Variants in DMD observed in about 807,000 individuals in gnomAD.
DMD encodes the protein dystrophin.
In DMD, 63 loss-of-function variants were observed where a neutral mutation model predicts 330.1. The observed-to-expected ratio is 0.19, with a 90% CI of 0.16 to 0.24. The LOEUF (loss-of-function observed/expected upper bound fraction) is 0.24. Ranked by LOEUF, DMD falls within the 10% of genes least tolerant of loss-of-function variation. DMD has a pLI of 1.00. For missense variants in DMD, 3,344 were observed against 2,684.1 expected, an observed-to-expected ratio of 1.25 and a Z score of -5.43; for synonymous variants, 1,223 against 959.8, an observed-to-expected ratio of 1.27 and a Z score of -5.07.
At chrX:33,312,195 G>A (rs2053860476) in intron 1 of DMD, among the ~76,000 whole-genome samples, 1 of 110,835 alleles carries the variant, frequency 9.0e-6, no homozygotes, top group Admixed American at 9.7e-5. Context: ...GAAAACACGG[G>A]TTTGAACTGC....
At chrX:31,684,946 A>G (rs1341920396) in intron 52 of DMD, among the ~76,000 whole-genome samples, 1 of 112,351 alleles carries the variant, frequency 8.9e-6, no homozygotes, top group Non-Finnish European at 1.9e-5. Context: ...TTTGATGTAA[A>G]CAAAGGTCTC....
chrX:32,187,382 T>G (rs898100319), intron 44 of DMD, among the ~76,000 whole-genome samples: 2 of 111,307 alleles, frequency 1.8e-5, no homozygotes, highest in Non-Finnish European at 3.8e-5. Context: ...AAGCATTACG[T>G]CTTTTGCACT....
At chrX:31,687,646 T>C (rs901544278) in intron 52 of DMD, among the ~76,000 whole-genome samples, 1 of 111,870 alleles carries the variant, frequency 8.9e-6, no homozygotes, top group Non-Finnish European at 1.9e-5. Flanking sequence ...CACAATAGAA[T>C]AGAACATGAG....
At chrX:31,526,576 G>C (rs2073252974) in intron 55 of DMD, among the ~76,000 whole-genome samples, 1 of 111,679 alleles carries the variant, frequency 9.0e-6, no homozygotes, top group Non-Finnish European at 1.9e-5. Flanking sequence ...CATCTTTTGG[G>C]ATATGAAAGA....
chrX:32,614,684 C>A (rs1049650366), intron 11 of DMD, among the ~76,000 whole-genome samples: 2 of 111,328 alleles, frequency 1.8e-5, no homozygotes, highest in Non-Finnish European at 3.8e-5. Flanking sequence ...ACATAGTCAA[C>A]TAAATGTGAA....
chrX:32,495,365 T>C (rs920590209), intron 19 of DMD, among the ~76,000 whole-genome samples: 3 of 111,741 alleles, frequency 2.7e-5, no homozygotes, highest in Non-Finnish European at 3.8e-5. Flanking sequence ...TCTATATGAA[T>C]ATAAAAATTA....
intron 45 of DMD, among the ~76,000 whole-genome samples, chrX:31,955,341 A>T (rs2095235231): frequency 2.7e-5 from 3 of 112,268 alleles, no homozygotes; most frequent in Admixed American, 9.5e-5. Flanking sequence ...TGTCGTCACT[A>T]TTAGCTGCTT....
At chrX:31,167,718 T>C (rs900517317) in intron 74 of DMD, among the ~76,000 whole-genome samples, 2 of 112,177 alleles carry the variant, frequency 1.8e-5, no homozygotes, top group Non-Finnish European at 3.8e-5. Flanking sequence ...AAAGCTATCA[T>C]TAAAACAACA....
intron 13 of DMD, among the ~76,000 whole-genome samples, chrX:32,585,476 C>T (rs891753155): frequency 1.2e-4 from 13 of 109,110 alleles, no homozygotes; most frequent in South Asian, 3.9e-4. Flanking sequence ...CCGAGGCTGG[C>T]GGATCACGAG....
At chrX:32,912,047 G>A (rs5928110) in intron 2 of DMD, among the ~76,000 whole-genome samples, 12 of 69,738 alleles carry the variant, frequency 1.7e-4, no homozygotes, top group African/African-American at 5.0e-4. Flanking sequence ...GAGAGAGAGA[G>A]AGAGAGAGAG....
chrX:32,602,624 G>A (rs1195649004), intron 12 of DMD, among the ~76,000 whole-genome samples: 1 of 111,099 alleles, frequency 9.0e-6, no homozygotes, highest in Non-Finnish European at 1.9e-5. Flanking sequence ...CTATTTTAAA[G>A]AACTACAGGA....
intron 42 of DMD, among the ~76,000 whole-genome samples, chrX:32,297,096 A>G (rs1166100816): frequency 9.0e-6 from 1 of 110,676 alleles, no homozygotes; most frequent in Non-Finnish European, 1.9e-5. Context: ...AGTTTTCATC[A>G]TACAGACCTA....
At chrX:33,142,156 G>A (rs2047827102) in intron 1 of DMD, among the ~76,000 whole-genome samples, 1 of 112,187 alleles carries the variant, frequency 8.9e-6, no homozygotes, top group South Asian at 3.7e-4. Context: ...CACAATCTCC[G>A]CTCACTGCAA....
intron 12 of DMD, among the ~76,000 whole-genome samples, chrX:32,604,182 G>A (rs1241310185): frequency 9.1e-6 from 1 of 110,274 alleles, no homozygotes; most frequent in Non-Finnish European, 1.9e-5. Flanking sequence ...GGTAGGCAGG[G>A]ATATATGCAG....
chrX:33,027,977 A>G (rs1235623106), intron 1 of DMD, among the ~76,000 whole-genome samples: 3 of 112,120 alleles, frequency 2.7e-5, no homozygotes, highest in Non-Finnish European at 5.6e-5. Context: ...ATTATCATCA[A>G]CCTATTTATG....
chrX:31,259,472 T>G (rs1004228763), intron 63 of DMD, among the ~76,000 whole-genome samples: 1 of 111,771 alleles, frequency 8.9e-6, no homozygotes, highest in African/African-American at 3.3e-5. Context: ...AGTCCACAAT[T>G]ATAAGCCAAA....
At chrX:32,956,646 A>T (rs1382221476) in intron 2 of DMD, among the ~76,000 whole-genome samples, 5 of 111,538 alleles carry the variant, frequency 4.5e-5, no homozygotes, top group African/African-American at 9.8e-5. Context: ...GTTGTCTGCA[A>T]ACAGAGATAG....
At chrX:32,475,501 T>A (rs2148508080) in intron 21 of DMD, among the ~76,000 whole-genome samples, 1 of 112,020 alleles carries the variant, frequency 8.9e-6, no homozygotes, top group South Asian at 3.7e-4. Flanking sequence ...GGATGTGTTT[T>A]CATTTGTTTG....
At chrX:32,185,259 T>G (rs973935905) in intron 44 of DMD, among the ~76,000 whole-genome samples, 4 of 111,271 alleles carry the variant, frequency 3.6e-5, no homozygotes, top group African/African-American at 1.3e-4. Context: ...TCCCACATAG[T>G]GTAGATTCAT....
Sources: allele counts gnomAD v4.1 joint callset (sites outside exome capture counted in the v4.1 genomes callset), GRCh38; gene constraint gnomAD v4.1.1; transcripts MANE v1.5; gene names NCBI Gene and HGNC (gene_info 2026-07-23, HGNC 2026-07-21).